The following RBFOX3 variants were observed in gnomAD, a reference collection of about 807,000 sequenced individuals.
The protein encoded by RBFOX3 is RNA binding fox-1 homolog 3, also known as RNA binding protein fox-1 homolog 3.
In RBFOX3, 17 loss-of-function variants were observed where a neutral mutation model predicts 48.7. The observed-to-expected ratio is 0.35, with a 90% CI of 0.24 to 0.52. The LOEUF is 0.52. Among genes scored for constraint, RBFOX3 ranks in the 20% least tolerant of loss-of-function variants. RBFOX3 has a pLI of 0.94. For synonymous variants in RBFOX3, 212 were observed against 209.5 expected (o/e 1.01, Z -0.10); for missense variants, 382 against 497.5 (o/e 0.77, Z 2.21).
chr17:79,132,265 G>T (rs1205102265), intron 4 of RBFOX3, among the ~76,000 whole-genome samples: 1 of 150,806 alleles, frequency 6.6e-6, no homozygotes, highest in African/African-American at 2.5e-5. Flanking sequence ...GGTAGACTGG[G>T]GTGGGGTGGG....
At chr17:79,271,574 G>A (rs1461490797) in intron 3 of RBFOX3, among the ~76,000 whole-genome samples, 1 of 152,168 alleles carries the variant, frequency 6.6e-6, no homozygotes, top group African/African-American at 2.4e-5. Flanking sequence ...CTCTCTGAGG[G>A]CAGAGGATGC....
chr17:79,428,106 G>A (rs1251064224), intron 2 of RBFOX3, among the ~76,000 whole-genome samples: 8 of 152,240 alleles, frequency 5.3e-5, no homozygotes, highest in African/African-American at 1.9e-4. Flanking sequence ...ACTGTGCCGA[G>A]ACAGACTCCG....
At chr17:79,349,263 G>A (rs1045077212) in intron 2 of RBFOX3, among the ~76,000 whole-genome samples, 3 of 151,936 alleles carry the variant, frequency 2.0e-5, no homozygotes, top group Non-Finnish European at 1.5e-5. Context: ...GGGCTGCGGG[G>A]CCAGGCACAG....
chr17:79,335,510 G>A (rs1210382313), intron 2 of RBFOX3, among the ~76,000 whole-genome samples: 2 of 152,158 alleles, frequency 1.3e-5, no homozygotes, highest in African/African-American at 2.4e-5. Context: ...GGCCATGCAC[G>A]GATCCTCTAG....
intron 1 of RBFOX3, among the ~76,000 whole-genome samples, chr17:79,593,376 A>G (rs1277982247): frequency 6.6e-6 from 1 of 152,092 alleles, no homozygotes; most frequent in African/African-American, 2.4e-5. Context: ...AGAATTTACA[A>G]TTCCCCTGTG....
chr17:79,144,020 G>A (rs1191337799), intron 4 of RBFOX3, among the ~76,000 whole-genome samples: 3 of 152,204 alleles, frequency 2.0e-5, no homozygotes, highest in South Asian at 2.1e-4. Context: ...ACAGGCCCCC[G>A]TGCCCAGCTC....
intron 2 of RBFOX3, among the ~76,000 whole-genome samples, chr17:79,407,737 T>C (rs560587876): frequency 9.2e-5 from 14 of 152,120 alleles, no homozygotes; most frequent in African/African-American, 2.4e-4. Context: ...GGAGCAGGAA[T>C]TCATTCAAGG....
intron 4 of RBFOX3, among the ~76,000 whole-genome samples, chr17:79,125,603 A>G (rs2037003998): frequency 6.6e-6 from 1 of 152,206 alleles, no homozygotes; most frequent in Admixed American, 6.5e-5. Context: ...CTGGCCGTGG[A>G]TGGAGCCCCT....
intron 2 of RBFOX3, among the ~76,000 whole-genome samples, chr17:79,394,545 G>A (rs2061754594): frequency 6.6e-6 from 1 of 152,226 alleles, no homozygotes. Flanking sequence ...ATCCACTCCA[G>A]GACAGGAGGC....
chr17:79,585,124 C>T (rs1046937582), intron 1 of RBFOX3, among the ~76,000 whole-genome samples: 61 of 152,086 alleles, frequency 4.0e-4, no homozygotes, highest in African/African-American at 1.2e-3. Context: ...GGATAAAAGA[C>T]GACACACTGA....
intron 2 of RBFOX3, among the ~76,000 whole-genome samples, chr17:79,386,908 G>T (rs1191672081): frequency 6.6e-6 from 1 of 152,212 alleles, no homozygotes; most frequent in Non-Finnish European, 1.5e-5. Flanking sequence ...CTGTCTACTT[G>T]GGAAGACAGG....
At chr17:79,660,108 C>A in the RBFOX3 span, among the ~76,000 whole-genome samples, 2 of 152,056 alleles carry the variant, frequency 1.3e-5, no homozygotes, top group African/African-American at 4.8e-5. Flanking sequence ...AATCACTTGA[C>A]CCTGGAAGGC....
chr17:79,584,125 A>G (rs1439130076), intron 1 of RBFOX3, among the ~76,000 whole-genome samples: 1 of 152,252 alleles, frequency 6.6e-6, no homozygotes, highest in East Asian at 1.9e-4. Flanking sequence ...CCAATGGCCA[A>G]CAAGCATATG....
chr17:79,628,335 G>C, the RBFOX3 span, among the ~76,000 whole-genome samples: 4 of 152,102 alleles, frequency 2.6e-5, no homozygotes, highest in African/African-American at 9.7e-5. Flanking sequence ...AAACCTGATC[G>C]TTTCCCCCTC....
At chr17:79,290,377 C>T (rs1245867743) in intron 3 of RBFOX3, among the ~76,000 whole-genome samples, 1 of 152,118 alleles carries the variant, frequency 6.6e-6, no homozygotes, top group African/African-American at 2.4e-5. Context: ...CATCGAGCCT[C>T]TAAGGGCCTC....
At chr17:79,489,685 C>T (rs1488203233) in intron 1 of RBFOX3, among the ~76,000 whole-genome samples, 1 of 152,186 alleles carries the variant, frequency 6.6e-6, no homozygotes, top group African/African-American at 2.4e-5. Flanking sequence ...GGTATGCAGC[C>T]CTCTGGAGCT....
intron 2 of RBFOX3, among the ~76,000 whole-genome samples, chr17:79,380,659 A>G (rs2057570176): frequency 2.0e-5 from 3 of 152,246 alleles, no homozygotes; most frequent in African/African-American, 7.2e-5. Flanking sequence ...ATCGTGGGGC[A>G]CCAGCTTTGC....
intron 2 of RBFOX3, among the ~76,000 whole-genome samples, chr17:79,319,367 C>G (rs1279378306): frequency 2.6e-5 from 4 of 152,226 alleles, no homozygotes; most frequent in Non-Finnish European, 5.9e-5. Context: ...AACGGGGGCT[C>G]CTGCAAGTGC....
At chr17:79,207,924 T>C (rs1475741254) in intron 4 of RBFOX3, among the ~76,000 whole-genome samples, 4 of 152,174 alleles carry the variant, frequency 2.6e-5, no homozygotes, top group African/African-American at 7.2e-5. Flanking sequence ...AATTAATCAA[T>C]GTTTTGGCCC....
Sources: gnomAD v4.1 joint callset for allele counts (sites outside exome capture counted in the v4.1 genomes callset) on GRCh38, gnomAD v4.1.1 for gene constraint, MANE v1.5 for transcripts, NCBI Gene and HGNC (gene_info 2026-07-23, HGNC 2026-07-21) for gene names.